Variants in MPHOSPH6 observed in about 807,000 individuals in gnomAD.
The protein encoded by MPHOSPH6 is M-phase phosphoprotein 6.
Under a neutral mutation model 21.8 loss-of-function variants are expected in MPHOSPH6, and 25 were observed. That is an observed-to-expected ratio of 1.15 (90% confidence interval 0.83 to 1.60). The LOEUF (loss-of-function observed/expected upper bound fraction) is 1.60, where lower values mean the gene tolerates loss of function less well. Among genes scored for constraint, MPHOSPH6 ranks in the 40% most tolerant of loss-of-function variants. MPHOSPH6 has a pLI of 0.00. For synonymous variants in MPHOSPH6, 84 were observed against 56.5 expected (o/e 1.49, Z -2.18); for missense variants, 269 against 181.8 (o/e 1.48, Z -2.76).
At chr16:82,164,324 G>C (rs555728980) in intron 1 of MPHOSPH6, 130 bp from the exon 2 acceptor site, 1 of 647,516 alleles carries the variant, frequency 1.5e-6, no homozygotes, top group South Asian at 2.0e-5. Flanking sequence ...TTGAGGGTTG[G>C]GGCAAGTGAT....
At chr16:82,152,117 T>C (rs1906283812) in intron 2 of MPHOSPH6, among the ~76,000 whole-genome samples, 1 of 152,218 alleles carries the variant, frequency 6.6e-6, no homozygotes, top group African/African-American at 2.4e-5. Flanking sequence ...GTTAGTATAT[T>C]TGAATATTTC....
intron 1 of MPHOSPH6, 27 bp downstream of exon 1, chr16:82,170,098 G>A (rs763452780): frequency 3.8e-6 from 6 of 1,582,024 alleles, no homozygotes; most frequent in Admixed American, 3.6e-5. Flanking sequence ...CCTACCGCCC[G>A]GAGTGGCGCT....
intron 2 of MPHOSPH6, among the ~76,000 whole-genome samples, chr16:82,154,071 G>C (rs1202023725): frequency 6.6e-6 from 1 of 152,124 alleles, no homozygotes; most frequent in African/African-American, 2.4e-5. Flanking sequence ...ACAGGTTTCA[G>C]AGATGAAAAC....
At chr16:82,167,083 C>A (rs1229242787) in intron 1 of MPHOSPH6, among the ~76,000 whole-genome samples, 3 of 150,666 alleles carry the variant, frequency 2.0e-5, no homozygotes, top group Non-Finnish European at 2.9e-5. Context: ...TTGAACAACA[C>A]TGGCAGAGCT....
At chr16:82,170,007 C>A in intron 1 of MPHOSPH6, 118 bp downstream of exon 1, 3 of 1,144,912 alleles carry the variant, frequency 2.6e-6, no homozygotes, top group Non-Finnish European at 3.6e-6. Context: ...AGCACGAGAG[C>A]TGGAAGCCCT....
chr16:82,152,541 T>C (rs1906297949), intron 2 of MPHOSPH6, among the ~76,000 whole-genome samples: 1 of 152,150 alleles, frequency 6.6e-6, no homozygotes, highest in African/African-American at 2.4e-5. Flanking sequence ...GTACTGGGCA[T>C]CTCAGAATCA....
At chr16:82,154,631 T>C (rs1906372344) in intron 2 of MPHOSPH6, among the ~76,000 whole-genome samples, 3 of 150,626 alleles carry the variant, frequency 2.0e-5, no homozygotes, top group Admixed American at 1.3e-4. Flanking sequence ...AAAACACCAA[T>C]AGAACTTATA....
At chr16:82,156,868 C>T (rs145215386) in intron 2 of MPHOSPH6, among the ~76,000 whole-genome samples, 1 of 152,186 alleles carries the variant, frequency 6.6e-6, no homozygotes, top group East Asian at 1.9e-4. Flanking sequence ...GAGTTCAAGA[C>T]CAGCCTGGCC....
intron 3 of MPHOSPH6, among the ~76,000 whole-genome samples, chr16:82,149,934 C>A (rs1906210289): frequency 6.6e-6 from 1 of 151,870 alleles, no homozygotes; most frequent in South Asian, 2.1e-4. Context: ...GATAATGCAT[C>A]CCATGTAACA....
intron 1 of MPHOSPH6, among the ~76,000 whole-genome samples, chr16:82,169,766 T>C (rs1284222046): frequency 6.6e-6 from 1 of 152,230 alleles, no homozygotes. Flanking sequence ...GGAGTTACAC[T>C]TCCCATATAT....
intron 2 of MPHOSPH6, among the ~76,000 whole-genome samples, chr16:82,152,286 T>C (rs1317692534): frequency 6.6e-6 from 1 of 152,188 alleles, no homozygotes; most frequent in African/African-American, 2.4e-5. Flanking sequence ...TGGTGACTTC[T>C]GAGATTTTGG....
intron 1 of MPHOSPH6, among the ~76,000 whole-genome samples, chr16:82,166,246 G>A (rs533550487): frequency 5.0e-4 from 76 of 152,314 alleles, no homozygotes; most frequent in Non-Finnish European, 9.7e-4. Flanking sequence ...AAGAAAACAA[G>A]TTTGCAGACT....
intron 1 of MPHOSPH6, chr16:82,164,674 C>T (rs1240690063): frequency 2.0e-5 from 3 of 153,514 alleles, no homozygotes; most frequent in African/African-American, 7.2e-5. Context: ...TTCTGAGCAT[C>T]TATCTTTTCT....
At chr16:82,152,711 G>A (rs1268657071) in intron 2 of MPHOSPH6, among the ~76,000 whole-genome samples, 3 of 152,172 alleles carry the variant, frequency 2.0e-5, no homozygotes, top group African/African-American at 4.8e-5. Flanking sequence ...GGGGCAGGTT[G>A]CGTTCCCTGG....
At chr16:82,164,273 T>C (rs1597164715) in intron 1 of MPHOSPH6, 79 bp from the exon 2 acceptor site, 12 of 914,726 alleles carry the variant, frequency 1.3e-5, no homozygotes. Flanking sequence ...TTTCTTCTTC[T>C]ACTTGTTCTC....
chr16:82,156,966 C>T (rs1284865358), intron 2 of MPHOSPH6, among the ~76,000 whole-genome samples: 3 of 152,092 alleles, frequency 2.0e-5, no homozygotes, highest in African/African-American at 4.8e-5. Context: ...GGCAGGAGAA[C>T]CGCTTGAACC....
At position 82,149,386 on chromosome 16, in the gene MPHOSPH6, C is replaced by A; in HGVS notation, c.273G>T (p.Met91Ile). 6.2e-7 allele frequency: 1 copy of A among 1,612,278 alleles called. No homozygotes were observed. The change falls in exon 4 of 5, where the codon ATG becomes ATT. Residue 91 changes from methionine (M) to isoleucine (I), a missense_variant. Coordinates refer to ENST00000258169, the MANE Select transcript of MPHOSPH6 (RefSeq NM_005792.2). ...NPEVEKLMLQMNAKHKAEEVE... is the reference protein window; with the variant it reads ...NPEVEKLMLQINAKHKAEEVE... ...CTTCTTCTGCTTTGTGCTTAGCATT[C>A]ATCTGAAGCATCAATTTCTGAAAAA...
In MPHOSPH6 at chr16:82,148,305, T is replaced by C. The variant is rs1049902216; in HGVS notation, c.*426A>G. On this transcript the variant is annotated 3_prime_UTR_variant, in exon 5 of 5. Transcript: ENST00000258169. ...GAGAGGCATTTTTATTCTTGATAAA[T>C]TTATATAATAAATTCTTATGACATT... The C allele has an allele frequency of 1.3e-5, 2 of 153,092 alleles. No individual in the cohort carries two copies. Among genetic ancestry groups the C allele is most frequent in the African/African-American group, 4.8e-5 (2 of 41,492 alleles). 9.5% of individuals were successfully genotyped at this position (153,092 alleles called of 1,614,324 possible). A position where few individuals can be genotyped will look rare whatever the true frequency, so the allele number is the denominator to read the frequency against.
intron 4 of MPHOSPH6, among the ~76,000 whole-genome samples, 167 bp downstream of exon 4, chr16:82,149,142 A>T (rs917693673): frequency 6.6e-6 from 1 of 152,202 alleles, no homozygotes; most frequent in African/African-American, 2.4e-5. Flanking sequence ...GCAGCCTGAG[A>T]CAGGTCTGTG....
Sources: allele counts gnomAD v4.1 joint callset (sites outside exome capture counted in the v4.1 genomes callset), GRCh38; gene constraint gnomAD v4.1.1; transcripts MANE v1.5; gene names NCBI Gene and HGNC (gene_info 2026-07-23, HGNC 2026-07-21).